The following DRC9 variants were observed in gnomAD, a reference collection of about 807,000 sequenced individuals.
DRC9 encodes the protein dynein regulatory complex protein 9.
the DRC9 span, among the ~76,000 whole-genome samples, chr3:197,941,449 AT>A: frequency 1.2e-4 from 1 of 8,504 alleles, no homozygotes; most frequent in African/African-American, 5.4e-4. Flanking sequence ...CTCCTCTCCC[AT>A]CCCCCTCCCT....
At chr3:197,959,916 G>C in the DRC9 span, 2 of 435,532 alleles carry the variant, frequency 4.6e-6, no homozygotes, top group Non-Finnish European at 8.3e-6. Flanking sequence ...CTGGCACCTA[G>C]TAGGTGCATG....
At chr3:197,954,510 T>G in the DRC9 span, 6 of 339,336 alleles carry the variant, frequency 1.8e-5, no homozygotes, top group Non-Finnish European at 3.4e-5. Flanking sequence ...ATTTTTGGGG[T>G]TTTTGTTGTG....
chr3:197,912,680 G>A, the DRC9 span: 13 of 1,612,914 alleles, frequency 8.1e-6, no homozygotes, highest in South Asian at 1.4e-4. Flanking sequence ...CCCACCTGCT[G>A]CTCCTTTCTA....
chr3:197,941,505 CCCTTCCTT>C, the DRC9 span, among the ~76,000 whole-genome samples: 37 of 83,386 alleles, frequency 4.4e-4, no homozygotes, highest in African/African-American at 2.0e-3. Flanking sequence ...CTCCCTTCCT[CCCTTCCTT>C]CCTTCCTTTC....
At chr3:197,960,173 C>T in the DRC9 span, 2 of 1,511,444 alleles carry the variant, frequency 1.3e-6, no homozygotes, top group Admixed American at 1.9e-5. Context: ...CGTCTACCCC[C>T]AGCGGCGAGG....
At chr3:197,947,710 T>G in the DRC9 span, among the ~76,000 whole-genome samples, 1 of 152,164 alleles carries the variant, frequency 6.6e-6, no homozygotes, top group Admixed American at 6.5e-5. Flanking sequence ...CCAGGGGAGA[T>G]TCCAGAAAGA....
the DRC9 span, among the ~76,000 whole-genome samples, chr3:197,949,119 T>C: frequency 2.0e-5 from 3 of 152,248 alleles, no homozygotes. Flanking sequence ...AATTATCATC[T>C]TCTAACGTGT....
the DRC9 span, among the ~76,000 whole-genome samples, chr3:197,934,465 G>A: frequency 1.3e-5 from 2 of 152,084 alleles, no homozygotes; most frequent in African/African-American, 2.4e-5. Flanking sequence ...GATTACAGGC[G>A]TGAGCCACGG....
At chr3:197,899,477 C>T in the DRC9 span, among the ~76,000 whole-genome samples, 1 of 152,078 alleles carries the variant, frequency 6.6e-6, no homozygotes, top group Non-Finnish European at 1.5e-5. Flanking sequence ...AATCCCAGCT[C>T]CTTGGAGGCT....
At chr3:197,890,775 C>G in the DRC9 span, among the ~76,000 whole-genome samples, 359 of 152,280 alleles carry the variant, frequency 2.4e-3, 3 homozygotes, top group Non-Finnish European at 1.7e-3. Flanking sequence ...ATGGGAAGCC[C>G]AACTTTGGGT....
the DRC9 span, among the ~76,000 whole-genome samples, chr3:197,955,470 G>T: frequency 6.6e-6 from 1 of 152,030 alleles, no homozygotes; most frequent in East Asian, 1.9e-4. Context: ...TACCATGTTG[G>T]CCAGGATGGT....
chr3:197,910,250 T>C, the DRC9 span, among the ~76,000 whole-genome samples: 3 of 152,012 alleles, frequency 2.0e-5, no homozygotes, highest in African/African-American at 7.2e-5. Flanking sequence ...CAGTGAGCTA[T>C]GGTGGCACCA....
At chr3:197,931,685 A>G in the DRC9 span, among the ~76,000 whole-genome samples, 1 of 151,174 alleles carries the variant, frequency 6.6e-6, no homozygotes, top group South Asian at 2.1e-4. Flanking sequence ...TCGGCTCACT[A>G]CAAGCTCTGC....
chr3:197,941,274 CTT>C, the DRC9 span, among the ~76,000 whole-genome samples: 1 of 128,326 alleles, frequency 7.8e-6, no homozygotes, highest in Admixed American at 7.8e-5. Context: ...CCCTTCCTAC[CTT>C]CCTCTCTTCC....
At chr3:197,944,417 C>A in the DRC9 span, among the ~76,000 whole-genome samples, 1 of 151,810 alleles carries the variant, frequency 6.6e-6, no homozygotes, top group South Asian at 2.1e-4. Flanking sequence ...TGCTACCACA[C>A]CTGGCTAAGT....
At chr3:197,936,729 C>T in the DRC9 span, among the ~76,000 whole-genome samples, 1 of 152,152 alleles carries the variant, frequency 6.6e-6, no homozygotes, top group Non-Finnish European at 1.5e-5. Context: ...TGGAGATGTA[C>T]ATTTTGTGAA....
At chr3:197,944,512 G>A in the DRC9 span, among the ~76,000 whole-genome samples, 4 of 151,328 alleles carry the variant, frequency 2.6e-5, no homozygotes, top group East Asian at 1.9e-4. Context: ...GCAGTAGCGC[G>A]ATCTTGGCTC....
At chr3:197,923,666 G>A in the DRC9 span, among the ~76,000 whole-genome samples, 37,669 of 151,782 alleles carry the variant, frequency 0.25, 5,831 homozygotes, top group African/African-American at 0.45. Context: ...GGAGGCAGAG[G>A]TTGCAGTGAG....
chr3:197,950,299 G>A, the DRC9 span: 1 of 1,229,728 alleles, frequency 8.1e-7, no homozygotes. Context: ...GCGAGTCGCC[G>A]GTGCGTATCG....
Sources: allele counts gnomAD v4.1 joint callset (sites outside exome capture counted in the v4.1 genomes callset), GRCh38; gene constraint gnomAD v4.1.1; transcripts MANE v1.5; gene names NCBI Gene and HGNC (gene_info 2026-07-23, HGNC 2026-07-21).